The following CHD7 variants were observed in gnomAD, a reference collection of about 807,000 sequenced individuals.
CHD7 encodes chromodomain helicase DNA binding protein 7.
CHD7 carries 24 observed loss-of-function variants against 307.3 expected under a neutral mutation model. That is an observed-to-expected ratio of 0.08 (90% CI 0.06 to 0.11). CHD7 has a LOEUF of 0.11. Among genes scored for constraint, CHD7 ranks in the 10% least tolerant of loss-of-function variants. The probability of loss-of-function intolerance (pLI) is 1.00; values close to 1 mark genes in which losing one functional copy is unlikely to be tolerated. For synonymous variants in CHD7, 1,363 were observed against 1,349.9 expected, an observed-to-expected ratio of 1.01 and a Z score of -0.21; for missense variants, 3,106 against 3,727.1, an observed-to-expected ratio of 0.83 and a Z score of 4.34.
At chr8:60,708,700 A>G (rs187428206) in intron 1 of CHD7, among the ~76,000 whole-genome samples, 79 of 152,220 alleles carry the variant, frequency 5.2e-4, no homozygotes, top group Non-Finnish European at 8.2e-4. Flanking sequence ...GCCCTATTTC[A>G]AGTACGATTT....
At chr8:60,705,459 T>C (rs1356277263) in intron 1 of CHD7, among the ~76,000 whole-genome samples, 3 of 152,228 alleles carry the variant, frequency 2.0e-5, no homozygotes, top group African/African-American at 4.8e-5. Flanking sequence ...TTGGATTTCA[T>C]TGAAAATTGG....
rs1812630633 is a variant in CHD7, at chr8:60,808,283, T to A, written c.2498+11T>A. On this transcript the variant is annotated intron_variant, in intron 7 of 37. Transcript: ENST00000423902. ...GAAATACAAAAACTTGTAAGTAAAT[T>A]GTGATTCTGTTTTTAATGGGGGGCT... The A allele has an allele frequency of 1.3e-6, 2 of 1,489,846 alleles. No homozygotes were observed. The highest frequency in any genetic ancestry group is 4.6e-5 in the East Asian group (2 of 43,706). 92.3% of individuals were successfully genotyped at this position (1,489,846 alleles called of 1,614,324 possible). A position where few individuals can be genotyped will look rare whatever the true frequency, so the allele number is the denominator to read the frequency against.
intron 1 of CHD7, among the ~76,000 whole-genome samples, chr8:60,695,321 T>G (rs913411878): frequency 6.6e-6 from 1 of 152,228 alleles, no homozygotes; most frequent in African/African-American, 2.4e-5. Context: ...AAACTTCTTA[T>G]AAAAATGATT....
chr8:60,838,331 T>C, intron 19 of CHD7, 76 bp downstream of exon 19: 1 of 1,313,558 alleles, frequency 7.6e-7, no homozygotes, highest in Non-Finnish European at 1.1e-6. Context: ...CTTGTAAAAG[T>C]GCTTACAAGA....
At chr8:60,689,176 A>C (rs1806069853) in intron 1 of CHD7, among the ~76,000 whole-genome samples, 4 of 152,210 alleles carry the variant, frequency 2.6e-5, no homozygotes. Context: ...AAAATAAGTG[A>C]GTCAAAAAGT....
intron 1 of CHD7, among the ~76,000 whole-genome samples, chr8:60,704,229 A>G (rs1390685978): frequency 6.6e-6 from 1 of 152,160 alleles, no homozygotes; most frequent in Non-Finnish European, 1.5e-5. Flanking sequence ...ATTCATGTAT[A>G]TCTGTGGGCT....
At chr8:60,815,306 T>C (rs920453802) in intron 7 of CHD7, among the ~76,000 whole-genome samples, 34 of 152,220 alleles carry the variant, frequency 2.2e-4, no homozygotes, top group Admixed American at 3.9e-4. Flanking sequence ...CTTTTTCTTG[T>C]TTTAAACTTC....
At chr8:60,730,801 A>G (rs961714443) in intron 1 of CHD7, among the ~76,000 whole-genome samples, 3 of 152,038 alleles carry the variant, frequency 2.0e-5, no homozygotes, top group Admixed American at 2.0e-4. Context: ...TGGAGCTTTC[A>G]GTTAGCTGAG....
At chr8:60,727,895 G>T (rs377625064) in intron 1 of CHD7, among the ~76,000 whole-genome samples, 16 of 152,270 alleles carry the variant, frequency 1.1e-4, no homozygotes, top group South Asian at 2.1e-4. Context: ...TCAGTGAGTG[G>T]TTTTTACCAT....
chr8:60,721,151 A>G (rs1452608923), intron 1 of CHD7, among the ~76,000 whole-genome samples: 1 of 152,118 alleles, frequency 6.6e-6, no homozygotes, highest in Non-Finnish European at 1.5e-5. Flanking sequence ...ACCCAAACTC[A>G]TATGTTGAAG....
At position 60,852,106 on chromosome 8, in the gene CHD7, C is replaced by T; in HGVS notation, c.5753C>T (p.Thr1918Ile). 6.2e-7 allele frequency: 1 copy of T among 1,614,032 alleles called. No individual in the cohort carries two copies. The highest frequency in any genetic ancestry group is 8.5e-7 in the Non-Finnish European group (1 of 1,179,882). ...ACTACACGTCTGCGCCGGCTCATTA[C>T]TGCCTATCAGCGCAGCTATAAAAGG... ...TLTTRLRRLI[T>I]AYQRSYKRQQ... is the part of the protein sequence containing the mutation. The change falls in exon 29 of 38, where the codon ACT becomes ATT. Residue 1918 changes from threonine to isoleucine, a missense_variant. By Grantham distance (89) the Thr-to-Ile change is moderately conservative (BLOSUM62 -1). Around this residue, in one of 10 missense-constraint regions of CHD7, gnomAD observed 1,030 missense variants for 1,165.4 expected, o/e 0.88. Transcript: ENST00000423902.
intron 2 of CHD7, among the ~76,000 whole-genome samples, chr8:60,744,887 G>T (rs1393874504): frequency 6.7e-6 from 1 of 150,252 alleles, no homozygotes; most frequent in Non-Finnish European, 1.5e-5. Context: ...TTTAATTTTA[G>T]ATTCACGCAG....
chr8:60,822,782 C>G, intron 12 of CHD7, 36 bp downstream of exon 12: 2 of 1,520,668 alleles, frequency 1.3e-6, no homozygotes, highest in Non-Finnish European at 8.9e-7. Context: ...TGTACTTACT[C>G]TGTGCATTTT....
At chr8:60,803,588 T>A (rs1008945933) in intron 6 of CHD7, among the ~76,000 whole-genome samples, 1 of 152,100 alleles carries the variant, frequency 6.6e-6, no homozygotes, top group Non-Finnish European at 1.5e-5. Context: ...ATGGAAAAAA[T>A]TCTTCTGGAA....
chr8:60,696,945 A>G (rs556228183), intron 1 of CHD7, among the ~76,000 whole-genome samples: 1 of 150,846 alleles, frequency 6.6e-6, no homozygotes, highest in Non-Finnish European at 1.5e-5. Context: ...AACCTCCCCC[A>G]CTTTTTTTTT....
chr8:60,823,515 T>C (rs1270240882), intron 12 of CHD7, among the ~76,000 whole-genome samples: 4 of 152,178 alleles, frequency 2.6e-5, no homozygotes, highest in Non-Finnish European at 5.9e-5. Context: ...TTGAAATCTG[T>C]GTTTATCTTT....
intron 1 of CHD7, among the ~76,000 whole-genome samples, chr8:60,716,653 C>G (rs932631246): frequency 1.3e-5 from 2 of 152,242 alleles, no homozygotes; most frequent in African/African-American, 4.8e-5. Flanking sequence ...TTCTCTCTTA[C>G]TTTCCTTTTA....
chr8:60,841,661 T>C lies in CHD7; in HGVS notation c.4551T>C (p.Ser1517=). 1 of 1,607,944 alleles carries C rather than the reference T, an allele frequency of 6.2e-7. No individual in the cohort carries two copies. The highest frequency in any genetic ancestry group is 8.5e-7 in the Non-Finnish European group (1 of 1,174,600). ...STFAKASFVA[S]GNRTDISLDD... ...CTCTTTAGGCCAGTTTTGTTGCATC[T>C]GGAAATAGGACAGATATTTCCTTGG... The change falls in exon 20 of 38, where the codon TCT becomes TCC. Residue 1517 remains serine, a synonymous_variant. Transcript: ENST00000423902.
At position 60,838,221 on chromosome 8, in the gene CHD7, T is replaced by A; in HGVS notation, c.4499T>A (p.Ile1500Asn). ...ILLRRTHTITIESEGKGSTFA... is the reference protein window; with the variant it reads ...ILLRRTHTITNESEGKGSTFA... ...CTACGTCGAACCCACACCATTACCA[T>A]TGAGTCAGAAGGGAAAGGTTCCACA... Residue 1500 changes from isoleucine (I) to asparagine (N), a missense_variant, in exon 19 of 38, where the codon ATT becomes AAT. Physicochemically the swap from Ile to Asn is moderately radical, Grantham distance 149. Around this residue, in one of 10 missense-constraint regions of CHD7, gnomAD observed 93 missense variants for 176.4 expected, o/e 0.53. Transcript: ENST00000423902. The A allele has an allele frequency of 6.2e-7, 1 of 1,604,628 alleles. No individual in the cohort carries two copies. Among genetic ancestry groups the A allele is most frequent in the Non-Finnish European group, 8.5e-7 (1 of 1,175,532 alleles).
Sources: gnomAD v4.1 joint callset for allele counts (sites outside exome capture counted in the v4.1 genomes callset) on GRCh38, gnomAD v4.1.1 for gene constraint, gnomAD v4.1.1 regional missense constraint, MANE v1.5 for transcripts, NCBI Gene and HGNC (gene_info 2026-07-23, HGNC 2026-07-21) for gene names.